The following B4GALT6 variants were observed in gnomAD, a reference collection of about 807,000 sequenced individuals.
B4GALT6 encodes beta-1,4-galactosyltransferase 6, also known as UDP-Gal:beta-GlcNAc beta-1,4-galactosyltransferase 6.
B4GALT6 carries 14 observed loss-of-function variants against 46.3 expected under a neutral mutation model. The observed-to-expected ratio is 0.30, with a 90% CI of 0.20 to 0.47. B4GALT6 has a LOEUF of 0.47. Ranked by LOEUF, B4GALT6 falls within the 20% of genes least tolerant of loss-of-function variation. B4GALT6 has a pLI of 0.99. For synonymous variants in B4GALT6, 168 were observed against 162.0 expected (o/e 1.04, Z -0.28); for missense variants, 386 against 480.1 (o/e 0.80, Z 1.83).
At chr18:31,653,175 C>G (rs1481783443) in intron 3 of B4GALT6, among the ~76,000 whole-genome samples, 1 of 152,042 alleles carries the variant, frequency 6.6e-6, no homozygotes, top group East Asian at 1.9e-4. Flanking sequence ...ATGGAACCCA[C>G]AAGGCCCTCA....
intron 3 of B4GALT6, among the ~76,000 whole-genome samples, chr18:31,654,465 T>G (rs1214366152): frequency 6.6e-6 from 1 of 152,228 alleles, no homozygotes; most frequent in East Asian, 1.9e-4. Flanking sequence ...ACTCATACTC[T>G]TCATATAAAA....
the B4GALT6 span, chr18:31,724,583 G>C: frequency 9.4e-7 from 1 of 1,060,622 alleles, no homozygotes; most frequent in Non-Finnish European, 1.1e-6. Flanking sequence ...TCTTGGACAC[G>C]GATTCAGCTG....
Position 31,625,622 on chromosome 18 carries a change from C to G in B4GALT6, c.1141G>C (p.Asp381His). The G allele has an allele frequency of 6.2e-7, 1 of 1,613,324 alleles. No homozygotes were observed. The highest frequency in any genetic ancestry group is 8.5e-7 in the Non-Finnish European group (1 of 1,179,722). ...NLMPELAPIEDY is the reference protein window; with the variant it reads ...NLMPELAPIEHY ...CACGACAGCCACTTCTTTTAATAGT[C>G]TTCGATTGGAGCTAACTCTGGCATG... is the stretch of plus-strand genomic sequence containing the variant. Residue 381 changes from aspartate (D) to histidine (H), a missense_variant, in exon 9 of 9, where the codon GAC becomes CAC. Asp to His is a moderately conservative substitution (Grantham distance 81). Transcript: ENST00000306851.
intron 5 of B4GALT6, among the ~76,000 whole-genome samples, chr18:31,634,631 T>G (rs745669725): frequency 6.6e-6 from 1 of 152,214 alleles, no homozygotes; most frequent in South Asian, 2.1e-4. Context: ...CACTCTCATT[T>G]TAGGAGTTTG....
chr18:31,723,575 TTC>T, the B4GALT6 span, among the ~76,000 whole-genome samples: 34,014 of 151,728 alleles, frequency 0.22, 5,802 homozygotes, highest in African/African-American at 0.48. Context: ...ATTAAAGGCC[TTC>T]TCTCTCCCAG....
At chr18:31,702,932 T>C in the B4GALT6 span, among the ~76,000 whole-genome samples, 14 of 152,186 alleles carry the variant, frequency 9.2e-5, no homozygotes, top group Non-Finnish European at 1.5e-4. Context: ...TAGACACACT[T>C]AGGTTCCCAA....
chr18:31,651,433 C>T (rs566435770), intron 3 of B4GALT6, among the ~76,000 whole-genome samples: 1 of 152,134 alleles, frequency 6.6e-6, no homozygotes, highest in Non-Finnish European at 1.5e-5. Context: ...ACCTGTTAGT[C>T]ACCTTCTAAT....
At chr18:31,639,884 T>C (rs2073908433) in intron 4 of B4GALT6, among the ~76,000 whole-genome samples, 1 of 152,200 alleles carries the variant, frequency 6.6e-6, no homozygotes, top group African/African-American at 2.4e-5. Context: ...TCAAATCCTC[T>C]ATTTCTTGGA....
chr18:31,667,205 T>A (rs1291518585), intron 1 of B4GALT6, among the ~76,000 whole-genome samples: 1 of 152,198 alleles, frequency 6.6e-6, no homozygotes, highest in East Asian at 1.9e-4. Context: ...TTTGTACAGC[T>A]CCTTGGATCT....
At chr18:31,716,837 C>G in the B4GALT6 span, among the ~76,000 whole-genome samples, 1 of 152,212 alleles carries the variant, frequency 6.6e-6, no homozygotes, top group Admixed American at 6.5e-5. Flanking sequence ...GTGCCACTCA[C>G]GCCTGTAATC....
At chr18:31,704,740 G>C in the B4GALT6 span, among the ~76,000 whole-genome samples, 2 of 152,136 alleles carry the variant, frequency 1.3e-5, no homozygotes, top group Non-Finnish European at 2.9e-5. Context: ...GGCCATGGAA[G>C]AGTTTTTTTC....
Position 31,673,149 on chromosome 18 carries a change from T to C in B4GALT6, c.116-6777A>G, listed in dbSNP as rs1272379672. Among the ~76,000 whole-genome samples, 4 of 151,646 alleles carry C rather than the reference T, an allele frequency of 2.6e-5. No individual in the cohort carries two copies. The East Asian group carries it at 7.7e-4, about 29-fold the overall frequency. On this transcript the variant is annotated intron_variant, in intron 1 of 8. Coordinates refer to ENST00000306851, the MANE Select transcript of B4GALT6 (RefSeq NM_004775.5). Reference sequence around the variant, plus strand: ...GAAGGAGAAAAAACCATTCTGTTGGTGGGAAAGTTTAAGCAGAGGCTGAAG... The same window carrying C: ...GAAGGAGAAAAAACCATTCTGTTGGCGGGAAAGTTTAAGCAGAGGCTGAAG...
At chr18:31,649,643 A>G (rs2074039418) in intron 3 of B4GALT6, among the ~76,000 whole-genome samples, 1 of 152,096 alleles carries the variant, frequency 6.6e-6, no homozygotes. Context: ...AGTAGCCAAC[A>G]AACAAAAAAA....
intron 2 of B4GALT6, among the ~76,000 whole-genome samples, chr18:31,665,274 A>G (rs2074269619): frequency 6.6e-6 from 1 of 152,224 alleles, no homozygotes; most frequent in South Asian, 2.1e-4. Flanking sequence ...AACACCTAAT[A>G]ATACCCTGGC....
chr18:31,692,902 C>T, the B4GALT6 span, among the ~76,000 whole-genome samples: 1 of 152,168 alleles, frequency 6.6e-6, no homozygotes, highest in African/African-American at 2.4e-5. Flanking sequence ...AGGGCTCTAA[C>T]TGAACTTACT....
At chr18:31,670,545 T>C (rs2074339149) in intron 1 of B4GALT6, among the ~76,000 whole-genome samples, 1 of 152,168 alleles carries the variant, frequency 6.6e-6, no homozygotes, top group African/African-American at 2.4e-5. Flanking sequence ...ATGGTCCTCA[T>C]GGGTTTAATC....
the B4GALT6 span, among the ~76,000 whole-genome samples, chr18:31,706,931 G>T: frequency 0.025 from 3,837 of 152,260 alleles, 72 homozygotes; most frequent in Non-Finnish European, 0.037. Context: ...CTAAATTGCA[G>T]GAGTTGCTTA....
chr18:31,644,117 G>A (rs913815234), intron 4 of B4GALT6, among the ~76,000 whole-genome samples: 1 of 152,184 alleles, frequency 6.6e-6, no homozygotes, highest in Admixed American at 6.5e-5. Flanking sequence ...GGGAAATAGT[G>A]TAAGGTAATT....
At chr18:31,708,896 C>T in the B4GALT6 span, among the ~76,000 whole-genome samples, 5 of 152,140 alleles carry the variant, frequency 3.3e-5, no homozygotes, top group South Asian at 4.2e-4. Context: ...ATTCTAGGTG[C>T]GCCATTAGGA....
Sources: gnomAD v4.1 joint callset for allele counts (sites outside exome capture counted in the v4.1 genomes callset) on GRCh38, gnomAD v4.1.1 for gene constraint, MANE v1.5 for transcripts, NCBI Gene and HGNC (gene_info 2026-07-23, HGNC 2026-07-21) for gene names.